The following GRM7 variants were observed in gnomAD, a reference collection of about 807,000 sequenced individuals.
GRM7 encodes the protein glutamate metabotropic receptor 7, also known as metabotropic glutamate receptor 7.
In GRM7, 35 loss-of-function variants were observed where a neutral mutation model predicts 84.5. That is an observed-to-expected ratio of 0.41 (90% confidence interval 0.32 to 0.55). GRM7 has a LOEUF of 0.55. Among genes scored for constraint, GRM7 ranks in the 20% least tolerant of loss-of-function variants. The pLI is 0.19. For synonymous variants in GRM7, 487 were observed against 455.1 expected, an observed-to-expected ratio of 1.07 and a Z score of -0.89; for missense variants, 1,003 against 1,194.6, an observed-to-expected ratio of 0.84 and a Z score of 2.36.
intron 9 of GRM7, among the ~76,000 whole-genome samples, chr3:7,697,341 TCTCA>T (rs928267336): frequency 6.6e-6 from 1 of 152,156 alleles, no homozygotes; most frequent in African/African-American, 2.4e-5. Context: ...CTTCAGGGTA[TCTCA>T]CTGAGGTAGG....
At chr3:7,136,128 T>C (rs1693762757) in intron 1 of GRM7, among the ~76,000 whole-genome samples, 1 of 152,116 alleles carries the variant, frequency 6.6e-6, no homozygotes, top group Non-Finnish European at 1.5e-5. Flanking sequence ...TATTTCTTTT[T>C]TTATTAGAAA....
intron 7 of GRM7, chr3:7,519,714 G>T (rs1422584017): frequency 1.3e-5 from 2 of 152,196 alleles, no homozygotes; most frequent in African/African-American, 4.8e-5. Flanking sequence ...TTGTTCTGAT[G>T]CTTAGTAACT....
At chr3:7,100,496 C>T (rs976879171) in intron 1 of GRM7, among the ~76,000 whole-genome samples, 1 of 151,740 alleles carries the variant, frequency 6.6e-6, no homozygotes, top group African/African-American at 2.4e-5. Context: ...AAATACCAGC[C>T]TAAATCATAG....
chr3:7,657,605 A>T (rs1286355188), intron 8 of GRM7, among the ~76,000 whole-genome samples: 1 of 152,202 alleles, frequency 6.6e-6, no homozygotes, highest in African/African-American at 2.4e-5. Context: ...TCCATTTTTT[A>T]AAAATAAACA....
chr3:6,917,595 A>C (rs1484082507), intron 1 of GRM7, among the ~76,000 whole-genome samples: 1 of 152,020 alleles, frequency 6.6e-6, no homozygotes, highest in Non-Finnish European at 1.5e-5. Context: ...GGCACAAACA[A>C]ATGCTCATAA....
At chr3:6,877,127 G>T (rs1316194344) in intron 1 of GRM7, among the ~76,000 whole-genome samples, 1 of 152,128 alleles carries the variant, frequency 6.6e-6, no homozygotes, top group Non-Finnish European at 1.5e-5. Context: ...AAAATATATT[G>T]AGTATCTACT....
In GRM7 at chr3:7,621,622, C is replaced by T. The variant is rs548333003; in HGVS notation, c.2451+42265C>T. Among the ~76,000 whole-genome samples the T allele has an allele frequency of 3.9e-5, 6 of 152,180 alleles. No homozygotes were observed. The Middle Eastern group carries it at 0.014, about 345-fold the overall frequency. ...CACTTTATAATTTATTTTTAAGATG[C>T]ATCCTCAAATGAAATACAACAGCAG... is the stretch of plus-strand genomic sequence containing the variant. On this transcript the variant is annotated intron_variant, in intron 8 of 9. Transcript: ENST00000357716.
chr3:7,694,079 G>A (rs1191790518), intron 9 of GRM7, among the ~76,000 whole-genome samples: 2 of 152,080 alleles, frequency 1.3e-5, no homozygotes, highest in Non-Finnish European at 2.9e-5. Context: ...GGGGGGTTCT[G>A]ACCCATTCCC....
chr3:7,217,996 T>A (rs917610525), intron 2 of GRM7, among the ~76,000 whole-genome samples: 1 of 152,058 alleles, frequency 6.6e-6, no homozygotes, highest in African/African-American at 2.4e-5. Context: ...GTGTTACATA[T>A]GTTGTATGGC....
chr3:7,457,141 T>C lies in GRM7; in HGVS notation c.1375+4334T>C, dbSNP rs367709894. 9.2e-5 allele frequency among the ~76,000 whole-genome samples: 14 copies of C among 152,262 alleles called. No homozygotes were observed. The East Asian group carries it at 2.7e-3, about 29-fold the overall frequency. Reference sequence around the variant, plus strand: ...TTGTTTCAAGAAGCTTGAGATTATGTTTCACTGTTACATTAGTACAAAATT... The same window carrying C: ...TTGTTTCAAGAAGCTTGAGATTATGCTTCACTGTTACATTAGTACAAAATT... On this transcript the variant is annotated intron_variant, in intron 6 of 9. Coordinates refer to ENST00000357716, the MANE Select transcript of GRM7 (RefSeq NM_000844.4).
At chr3:6,949,612 G>A (rs992827364) in intron 1 of GRM7, among the ~76,000 whole-genome samples, 12 of 151,690 alleles carry the variant, frequency 7.9e-5, no homozygotes, top group African/African-American at 2.7e-4. Flanking sequence ...TGACTTGCTA[G>A]ATTGGGGAAG....
intron 5 of GRM7, among the ~76,000 whole-genome samples, chr3:7,443,273 A>G (rs1235958241): frequency 6.6e-6 from 1 of 151,956 alleles, no homozygotes; most frequent in Non-Finnish European, 1.5e-5. Context: ...TTCAAAGTAA[A>G]CCTCTACATA....
chr3:6,882,926 T>G (rs1190277973), intron 1 of GRM7, among the ~76,000 whole-genome samples: 1 of 152,222 alleles, frequency 6.6e-6, no homozygotes, highest in African/African-American at 2.4e-5. Context: ...TTTATTCATT[T>G]CCTTAGAATG....
rs1036132407 is a variant in GRM7, at chr3:7,135,623, C to T, written c.520-10829C>T. 2.6e-5 allele frequency among the ~76,000 whole-genome samples: 4 copies of T among 151,924 alleles called. No homozygotes were observed. In the South Asian group the frequency reaches 8.3e-4, roughly 31 times the overall value. On this transcript the variant is annotated intron_variant, in intron 1 of 9. Transcript: ENST00000357716. The stretch of plus-strand genomic sequence containing the variant: ...AGTAAGATACTCCTCAGGTGACTGT[C>T]CTTGCTACAGGCAATGTGTTTATAA...
At chr3:7,511,746 T>C (rs1700218346) in intron 7 of GRM7, among the ~76,000 whole-genome samples, 1 of 152,178 alleles carries the variant, frequency 6.6e-6, no homozygotes. Context: ...CATTAGTGCT[T>C]GTCTAAATAG....
Position 6,954,620 on chromosome 3 carries a change from T to C in GRM7, c.519+92713T>C, listed in dbSNP as rs1410738222. Among the ~76,000 whole-genome samples the C allele has an allele frequency of 2.0e-5, 3 of 152,222 alleles. No individual in the cohort carries two copies. The East Asian group carries it at 5.8e-4, about 29-fold the overall frequency. ...CCAGCTTGAATTACTTACTATTGAT[T>C]ACTTACTAGCCCTGTGAGCTCCAAT... On this transcript the variant is annotated intron_variant, in intron 1 of 9. Coordinates refer to ENST00000357716, the MANE Select transcript of GRM7 (RefSeq NM_000844.4).
chr3:7,505,160 C>T (rs1700003217), intron 7 of GRM7, among the ~76,000 whole-genome samples: 1 of 152,212 alleles, frequency 6.6e-6, no homozygotes, highest in Admixed American at 6.5e-5. Flanking sequence ...ATTGAAGCTT[C>T]AGAATGATTT....
chr3:7,082,550 T>A (rs1407139715), intron 1 of GRM7, among the ~76,000 whole-genome samples: 1 of 152,132 alleles, frequency 6.6e-6, no homozygotes, highest in Non-Finnish European at 1.5e-5. Flanking sequence ...AGGAGTAATT[T>A]TGACTTTCCA....
chr3:7,528,419 G>A (rs929035808), intron 7 of GRM7, among the ~76,000 whole-genome samples: 1 of 151,792 alleles, frequency 6.6e-6, no homozygotes, highest in Non-Finnish European at 1.5e-5. Flanking sequence ...CTTTTACTTT[G>A]TTAATTCAAC....
Sources: allele counts gnomAD v4.1 joint callset (sites outside exome capture counted in the v4.1 genomes callset), GRCh38; gene constraint gnomAD v4.1.1; transcripts MANE v1.5; gene names NCBI Gene and HGNC (gene_info 2026-07-23, HGNC 2026-07-21).